FRAS1: variants seen among roughly 807,000 people sequenced by gnomAD.
FRAS1 encodes the protein extracellular matrix organizing protein FRAS1.
Under a neutral mutation model 435.2 loss-of-function variants are expected in FRAS1, and 290 were observed. The observed-to-expected ratio is 0.67, with a 90% CI of 0.61 to 0.73. FRAS1 has a LOEUF of 0.73. Among genes scored for constraint, FRAS1 ranks in the 30% least tolerant of loss-of-function variants. FRAS1 has a pLI of 0.00. For synonymous variants in FRAS1, 1,800 were observed against 1,851.0 expected (o/e 0.97, Z 0.71); for missense variants, 4,860 against 5,001.5 (o/e 0.97, Z 0.85).
intron 2 of FRAS1, among the ~76,000 whole-genome samples, chr4:78,215,266 G>T (rs1447226716): frequency 6.6e-6 from 1 of 152,004 alleles, no homozygotes; most frequent in African/African-American, 2.4e-5. Context: ...TGTGATCTCT[G>T]CTCTCTGCAA....
intron 2 of FRAS1, among the ~76,000 whole-genome samples, chr4:78,195,762 G>GTGCGCTGCACCCAC (rs1722781699): frequency 2.0e-5 from 3 of 152,078 alleles, no homozygotes; most frequent in Admixed American, 6.5e-5. Flanking sequence ...CTCACACTCA[G>GTGCGCTGCACCCAC]TGCGCTGCAC....
intron 2 of FRAS1, among the ~76,000 whole-genome samples, chr4:78,095,086 G>A (rs1741727220): frequency 6.6e-6 from 1 of 152,182 alleles, no homozygotes; most frequent in Admixed American, 6.5e-5. Flanking sequence ...AATAATAAAA[G>A]CAATGTAATA....
At chr4:78,397,466 T>C (rs1461518560) in intron 29 of FRAS1, among the ~76,000 whole-genome samples, 1 of 152,210 alleles carries the variant, frequency 6.6e-6, no homozygotes, top group Non-Finnish European at 1.5e-5. Context: ...TGGGCTCATG[T>C]GCACCATCCG....
At chr4:78,087,491 G>A (rs1328910238) in intron 2 of FRAS1, among the ~76,000 whole-genome samples, 1 of 152,162 alleles carries the variant, frequency 6.6e-6, no homozygotes, top group Non-Finnish European at 1.5e-5. Context: ...AATTGTCCCT[G>A]TTTGCAGATG....
intron 47 of FRAS1, among the ~76,000 whole-genome samples, chr4:78,459,619 C>T (rs1460949084): frequency 6.6e-6 from 1 of 152,218 alleles, no homozygotes; most frequent in Non-Finnish European, 1.5e-5. Flanking sequence ...GGTTTGGGTT[C>T]TCCCTGAGAG....
chr4:78,492,430 G>GT (rs1343071120), intron 59 of FRAS1, among the ~76,000 whole-genome samples: 1 of 152,080 alleles, frequency 6.6e-6, no homozygotes. Context: ...CAGCATGGTA[G>GT]TGGTACCAAA....
chr4:78,435,384 T>G (rs1269307574), intron 38 of FRAS1, among the ~76,000 whole-genome samples: 5 of 152,186 alleles, frequency 3.3e-5, no homozygotes, highest in Non-Finnish European at 5.9e-5. Flanking sequence ...TTTAAAATAG[T>G]GTAGCAGAGG....
At chr4:78,138,688 C>T (rs1720030430) in intron 2 of FRAS1, among the ~76,000 whole-genome samples, 2 of 151,910 alleles carry the variant, frequency 1.3e-5, no homozygotes, top group African/African-American at 4.8e-5. Flanking sequence ...GTATCTCTCC[C>T]CTAGGGTTGT....
chr4:78,121,940 T>C (rs570403363), intron 2 of FRAS1, among the ~76,000 whole-genome samples: 1 of 152,340 alleles, frequency 6.6e-6, no homozygotes, highest in South Asian at 2.1e-4. Context: ...ATCAAGACTC[T>C]AGATCCTTAA....
At chr4:78,211,236 G>C (rs1723489574) in intron 2 of FRAS1, among the ~76,000 whole-genome samples, 2 of 152,182 alleles carry the variant, frequency 1.3e-5, no homozygotes, top group South Asian at 4.1e-4. Context: ...ATGGAAACCT[G>C]GGTGGTGGTT....
In FRAS1 at chr4:78,466,244, C is replaced by T. The variant is rs1229209820; in HGVS notation, c.7066C>T (p.Arg2356Cys). ...CACATTCACCATCGTGCAGCCTCCACGCCATGGCACCATCGAGCGAACCAG... is the reference window on the plus strand; with the variant it reads ...CACATTCACCATCGTGCAGCCTCCATGCCATGGCACCATCGAGCGAACCAG... Reference protein sequence around the residue: ...SVTFTIVQPPRHGTIERTSNG... With the variant: ...SVTFTIVQPPCHGTIERTSNG... The change falls in exon 50 of 74, where the codon CGC becomes TGC. Residue 2356 changes from arginine (R) to cysteine (C), a missense_variant. Arg to Cys is a radical substitution (Grantham distance 180, BLOSUM62 -3). Coordinates refer to ENST00000512123, the MANE Select transcript of FRAS1 (RefSeq NM_025074.7). 4.3e-6 allele frequency: 7 copies of T among 1,613,904 alleles called. No homozygotes were observed. Among genetic ancestry groups the T allele is most frequent in the Non-Finnish European group, 5.1e-6 (6 of 1,179,842 alleles).
intron 2 of FRAS1, among the ~76,000 whole-genome samples, chr4:78,207,200 C>A (rs924088470): frequency 6.6e-6 from 1 of 152,150 alleles, no homozygotes; most frequent in African/African-American, 2.4e-5. Context: ...ATGGAATGTC[C>A]TACACTACTT....
At chr4:78,424,787 A>C (rs547018688) in intron 35 of FRAS1, among the ~76,000 whole-genome samples, 149 of 152,088 alleles carry the variant, frequency 9.8e-4, no homozygotes, top group African/African-American at 3.5e-3. Flanking sequence ...AAAAAAAAAA[A>C]ACAACTTATC....
chr4:78,235,848 C>G (rs1724732462), intron 2 of FRAS1, among the ~76,000 whole-genome samples: 1 of 152,132 alleles, frequency 6.6e-6, no homozygotes, highest in East Asian at 1.9e-4. Context: ...ACTTGGGAGG[C>G]TGAGGTGGGA....
chr4:78,289,449 T>C (rs1418658069), intron 14 of FRAS1, among the ~76,000 whole-genome samples: 2 of 152,188 alleles, frequency 1.3e-5, no homozygotes, highest in Non-Finnish European at 2.9e-5. Context: ...CTTTGACCAC[T>C]GTACATTAAG....
chr4:78,070,739 C>G (rs897709645), intron 2 of FRAS1: 2 of 152,146 alleles, frequency 1.3e-5, no homozygotes, highest in Non-Finnish European at 2.9e-5. Flanking sequence ...CCAACTATAT[C>G]AAGTATTGAA....
intron 20 of FRAS1, among the ~76,000 whole-genome samples, chr4:78,354,549 T>A (rs1011845944): frequency 6.6e-6 from 1 of 152,174 alleles, no homozygotes; most frequent in South Asian, 2.1e-4. Flanking sequence ...CAGAAACCCA[T>A]CAATTTTAAA....
rs772487749 is a variant in FRAS1, at chr4:78,317,399, G to T, written c.1851G>T (p.Gly617=). 1.2e-6 allele frequency: 2 copies of T among 1,613,752 alleles called. No homozygotes were observed. The highest frequency in any genetic ancestry group is 1.7e-5 in the Admixed American group (1 of 60,016). Residue 617 remains glycine, a synonymous_variant, in exon 17 of 74, where the codon GGG becomes GGT. Transcript: ENST00000512123. The stretch of plus-strand genomic sequence containing the variant: ...ATAACTCATGTGCCAGCTGCTCTGG[G>T]CCCACACCCTCTCACTGTACAGCCT... The part of the protein sequence containing the change: ...VCHNSCASCS[G]PTPSHCTACS...
At chr4:78,485,691 C>T (rs547176166) in intron 58 of FRAS1, among the ~76,000 whole-genome samples, 1 of 152,250 alleles carries the variant, frequency 6.6e-6, no homozygotes, top group Admixed American at 6.5e-5. Flanking sequence ...AGACCTTTAA[C>T]TTGTGAAACC....
Sources: gnomAD v4.1 joint callset for allele counts (sites outside exome capture counted in the v4.1 genomes callset) on GRCh38, gnomAD v4.1.1 for gene constraint, MANE v1.5 for transcripts, NCBI Gene and HGNC (gene_info 2026-07-23, HGNC 2026-07-21) for gene names.